DYNC2LI1: variants seen among roughly 807,000 people sequenced by gnomAD.
DYNC2LI1 encodes the protein dynein cytoplasmic 2 light intermediate chain 1.
Under a neutral mutation model 51.9 loss-of-function variants are expected in DYNC2LI1, and 45 were observed. The observed-to-expected ratio is 0.87, with a 90% CI of 0.68 to 1.11. The LOEUF (loss-of-function observed/expected upper bound fraction) is 1.11, where lower values mean the gene tolerates loss of function less well. Among genes scored for constraint, DYNC2LI1 ranks in the 50% most tolerant of loss-of-function variants. The pLI is 0.00. For synonymous variants in DYNC2LI1, 130 were observed against 137.8 expected (o/e 0.94, Z 0.40); for missense variants, 490 against 417.4 (o/e 1.17, Z -1.51).
At chr2:43,816,183 T>C in the DYNC2LI1 span, among the ~76,000 whole-genome samples, 1 of 152,258 alleles carries the variant, frequency 6.6e-6, no homozygotes, top group East Asian at 1.9e-4. Flanking sequence ...CAGAGTCATT[T>C]ACTTATTCAC....
downstream of DYNC2LI1, among the ~76,000 whole-genome samples, chr2:43,812,107 G>A (rs117707287): frequency 1.2e-3 from 185 of 152,100 alleles, 3 homozygotes; most frequent in East Asian, 0.033. Flanking sequence ...CTGGAGTGCA[G>A]TGGTTCCATC....
downstream of DYNC2LI1, among the ~76,000 whole-genome samples, chr2:43,812,010 T>G (rs556885868): frequency 2.6e-5 from 4 of 152,196 alleles, no homozygotes; most frequent in Non-Finnish European, 5.9e-5. Flanking sequence ...ATTTCTAGTA[T>G]GTACCCTGTT....
At chr2:43,811,749 C>G (rs910242899), downstream of DYNC2LI1, among the ~76,000 whole-genome samples, 6 of 152,180 alleles carry the variant, frequency 3.9e-5, no homozygotes, top group African/African-American at 1.4e-4. Context: ...CGCCTGCCAC[C>G]ATGCCCAGCT....
chr2:43,828,064 T>A, the DYNC2LI1 span: 2 of 1,614,060 alleles, frequency 1.2e-6, no homozygotes, highest in Non-Finnish European at 1.7e-6. Flanking sequence ...TAGTTGCCAA[T>A]CAGTCGGTCT....
At chr2:43,790,254 GTTT>G (rs1197365248) in intron 5 of DYNC2LI1, among the ~76,000 whole-genome samples, 3 of 152,218 alleles carry the variant, frequency 2.0e-5, no homozygotes, top group African/African-American at 7.2e-5. Context: ...CTTGAGTGAT[GTTT>G]TCCTGACAGT....
chr2:43,812,900 C>A, downstream of DYNC2LI1: 1 of 563,680 alleles, frequency 1.8e-6, no homozygotes, highest in South Asian at 2.1e-5. Context: ...TCCAAATAAC[C>A]ACATGTCCCT....
chr2:43,806,311 A>G (rs748497875), intron 12 of DYNC2LI1, among the ~76,000 whole-genome samples: 3 of 152,218 alleles, frequency 2.0e-5, no homozygotes, highest in Non-Finnish European at 4.4e-5. Flanking sequence ...AGCCCCAGCA[A>G]CTTCTCAGGT....
chr2:43,808,964 T>TACAC (rs56090427), intron 12 of DYNC2LI1, among the ~76,000 whole-genome samples: 1,899 of 145,560 alleles, frequency 0.013, 19 homozygotes, highest in African/African-American at 0.024. Context: ...GGACAAAGGA[T>TACAC]ACACACACAC....
At chr2:43,824,921 C>T in the DYNC2LI1 span, 2 of 1,614,094 alleles carry the variant, frequency 1.2e-6, no homozygotes, top group Non-Finnish European at 1.7e-6. Context: ...ATGTTCAGGA[C>T]AAGGGTAACC....
the DYNC2LI1 span, chr2:43,828,087 A>C: frequency 6.2e-7 from 1 of 1,614,084 alleles, no homozygotes; most frequent in Non-Finnish European, 8.5e-7. Flanking sequence ...CACATGGCTC[A>C]GACTCAGCTC....
At chr2:43,791,294 A>C (rs898260312) in intron 5 of DYNC2LI1, among the ~76,000 whole-genome samples, 4 of 152,220 alleles carry the variant, frequency 2.6e-5, no homozygotes, top group Middle Eastern at 3.4e-3. Context: ...AAAGGGTGAA[A>C]ATACAGGAGG....
chr2:43,775,938 C>G, intron 1 of DYNC2LI1: 1 of 167,790 alleles, frequency 6.0e-6, no homozygotes, highest in Non-Finnish European at 1.2e-5. Context: ...CTCCTGACCT[C>G]AAGTGATCCA....
At position 43,809,721 on chromosome 2, in the gene DYNC2LI1, AAAG is replaced by A. The variant is rs768188053; in HGVS notation, c.1014_1016del (p.Arg338del). On this transcript the variant is annotated inframe_deletion, in exon 13 of 13. Transcript: ENST00000260605. ...TTGTTTTAGGAACTGGAACAGTACA[AAAG>A]AAGTTCTTCCAAGTCTTGGAAACAA... 1.2e-6 allele frequency: 2 copies of A among 1,612,210 alleles called. No homozygotes were observed. Among genetic ancestry groups the A allele is most frequent in the South Asian group, 2.2e-5 (2 of 90,714 alleles).
chr2:43,794,553 CA>C lies in DYNC2LI1; in HGVS notation c.420del (p.Val141Ter), dbSNP rs770155116. 29 of 1,613,862 alleles carry C rather than the reference CA, an allele frequency of 1.8e-5. No homozygotes were observed. The highest frequency in any genetic ancestry group is 9.3e-6 in the Non-Finnish European group (11 of 1,180,006). The stretch of plus-strand genomic sequence containing the variant: ...TGCAAGCCACAAAAAGCCATGTAGA[CA>C]AAGTGATAATGAAACTGGGAAAGAC... ...LLQATKSHVD[K>X]VIMKLGKTNA... On this transcript the variant is annotated frameshift_variant, in exon 6 of 13. Coordinates refer to ENST00000260605, the MANE Select transcript of DYNC2LI1 (RefSeq NM_016008.4). LOFTEE classifies it high-confidence loss of function.
chr2:43,810,152 A>C (rs1666432539), downstream of DYNC2LI1: 6 of 357,894 alleles, frequency 1.7e-5, no homozygotes, highest in Non-Finnish European at 2.3e-5. Context: ...TCTAAAAGGC[A>C]TTCTCAGCTG....
In DYNC2LI1 at chr2:43,804,715, G is replaced by A. The variant is rs77852352; in HGVS notation, c.876G>A (p.Val292=). 548 of 1,605,056 alleles carry A rather than the reference G, an allele frequency of 3.4e-4. No homozygotes were observed. In the African/African-American group the frequency reaches 6.8e-3, roughly 20 times the overall value. Residue 292 remains valine (V), a synonymous_variant, in exon 11 of 13, where the codon GTG becomes GTA. Transcript: ENST00000260605. The stretch of plus-strand genomic sequence containing the variant: ...CACCTATGGAGTTGTGGAAAAAAGT[G>A]TATGAAAAGCTCTTTCCACCAAAGG... ...AHSPMELWKK[V]YEKLFPPKSI...
chr2:43,827,809 A>T, the DYNC2LI1 span, among the ~76,000 whole-genome samples: 1 of 152,204 alleles, frequency 6.6e-6, no homozygotes, highest in Admixed American at 6.5e-5. Flanking sequence ...CGCATCAGGA[A>T]ATGAACTGTA....
intron 5 of DYNC2LI1, chr2:43,793,217 T>TTGG (rs1673870163): frequency 6.5e-6 from 1 of 152,908 alleles, no homozygotes; most frequent in Non-Finnish European, 1.5e-5. Flanking sequence ...CTTACACCTG[T>TTGG]AATCCCAACA....
chr2:43,828,290 C>G, the DYNC2LI1 span: 1 of 864,630 alleles, frequency 1.2e-6, no homozygotes, highest in Non-Finnish European at 1.8e-6. Flanking sequence ...TCCAATTCGG[C>G]TTAAATCGTA....
Sources: allele counts gnomAD v4.1 joint callset (sites outside exome capture counted in the v4.1 genomes callset), GRCh38; gene constraint gnomAD v4.1.1; transcripts MANE v1.5; gene names NCBI Gene and HGNC (gene_info 2026-07-23, HGNC 2026-07-21).